The following SIL1 variants were observed in gnomAD, a reference collection of about 807,000 sequenced individuals.
SIL1 encodes nucleotide exchange factor SIL1.
In SIL1, 40 loss-of-function variants were observed where a neutral mutation model predicts 49.1. The ratio of observed to expected loss-of-function variants is 0.81; its 90% CI spans 0.63 to 1.06. SIL1 has a LOEUF of 1.06. Ranked by LOEUF, SIL1 falls within the 50% of genes least tolerant of loss-of-function variation. The probability of loss-of-function intolerance (pLI) is 0.00; values close to 1 mark genes in which losing one functional copy is unlikely to be tolerated. For synonymous variants in SIL1, 253 were observed against 250.8 expected, an observed-to-expected ratio of 1.01 and a Z score of -0.08; for missense variants, 500 against 572.6, an observed-to-expected ratio of 0.87 and a Z score of 1.29.
intron 1 of SIL1, among the ~76,000 whole-genome samples, chr5:139,196,685 A>G (rs1752281210): frequency 6.6e-6 from 1 of 152,250 alleles, no homozygotes; most frequent in Non-Finnish European, 1.5e-5. Context: ...CAGCACATGT[A>G]TTCATGAGCA....
chr5:139,023,016 T>C (rs1159014487), intron 6 of SIL1, among the ~76,000 whole-genome samples: 9 of 152,188 alleles, frequency 5.9e-5, no homozygotes. Flanking sequence ...CAGCTGCCAC[T>C]CGGTCAGCTC....
intron 3 of SIL1, among the ~76,000 whole-genome samples, chr5:139,051,359 A>C (rs1195961647): frequency 6.6e-6 from 1 of 152,212 alleles, no homozygotes; most frequent in Non-Finnish European, 1.5e-5. Flanking sequence ...TGAGCTAATA[A>C]AAGCTTTGTG....
At chr5:139,180,152 C>A (rs1268208183) in intron 1 of SIL1, among the ~76,000 whole-genome samples, 1 of 151,036 alleles carries the variant, frequency 6.6e-6, no homozygotes, top group East Asian at 1.9e-4. Flanking sequence ...TCACTTGAGG[C>A]CAGGCGTTCG....
At chr5:139,036,705 T>C (rs930724831) in intron 5 of SIL1, among the ~76,000 whole-genome samples, 5 of 152,042 alleles carry the variant, frequency 3.3e-5, no homozygotes, top group African/African-American at 1.2e-4. Context: ...GGGTGGAGGA[T>C]GGGAATAGGG....
Position 139,178,314 on chromosome 5 carries a change from C to G in SIL1, c.-11+19955G>C, listed in dbSNP as rs183926698. On this transcript the variant is annotated intron_variant, in intron 1 of 9. Coordinates refer to ENST00000394817, the MANE Select transcript of SIL1 (RefSeq NM_022464.5). The stretch of plus-strand genomic sequence containing the variant: ...TCCTTTTCTGATCTTCATTTTCACT[C>G]CCTCAACAAAATCCATCCAGTGTCC... Among the ~76,000 whole-genome samples the G allele has an allele frequency of 7.9e-3, 1,210 of 152,276 alleles. 12 individuals are homozygous for G. The highest frequency in any genetic ancestry group is 0.011 in the Non-Finnish European group (766 of 68,028).
intron 7 of SIL1, among the ~76,000 whole-genome samples, chr5:138,981,972 C>T (rs935008654): frequency 6.6e-6 from 1 of 152,182 alleles, no homozygotes; most frequent in Non-Finnish European, 1.5e-5. Flanking sequence ...AGTACTTAAC[C>T]TCCCCAAGCC....
intron 1 of SIL1, chr5:139,128,181 A>T: frequency 5.4e-6 from 2 of 373,248 alleles, no homozygotes; most frequent in Non-Finnish European, 1.0e-5. Flanking sequence ...GAGGGAAACT[A>T]ACCAACTGAT....
intron 4 of SIL1, among the ~76,000 whole-genome samples, chr5:139,050,354 T>C (rs1194451869): frequency 6.6e-6 from 1 of 152,180 alleles, no homozygotes; most frequent in East Asian, 1.9e-4. Flanking sequence ...AGCATGCTAA[T>C]TCAAGGCAAC....
At chr5:139,004,038 T>C (rs1768055038) in intron 7 of SIL1, among the ~76,000 whole-genome samples, 1 of 152,176 alleles carries the variant, frequency 6.6e-6, no homozygotes, top group African/African-American at 2.4e-5. Flanking sequence ...TGATGAAAAT[T>C]ATATCAAACA....
intron 3 of SIL1, among the ~76,000 whole-genome samples, chr5:139,093,344 T>A (rs1468271377): frequency 6.6e-6 from 1 of 152,250 alleles, no homozygotes; most frequent in South Asian, 2.1e-4. Context: ...TACAGCAGCA[T>A]AAAATGTACT....
chr5:139,098,847 C>T (rs188846449), intron 3 of SIL1, among the ~76,000 whole-genome samples: 1,713 of 117,084 alleles, frequency 0.015, 16 homozygotes, highest in Middle Eastern at 0.049. Context: ...GAGGGAGTCT[C>T]GCTCTGTCAC....
intron 1 of SIL1, among the ~76,000 whole-genome samples, chr5:139,191,217 G>A (rs181727126): frequency 1.3e-3 from 113 of 84,774 alleles, no homozygotes; most frequent in Admixed American, 4.2e-3. Context: ...GTGAGACTCT[G>A]TCTCAAAAAA....
At chr5:139,004,718 G>T (rs550941079) in intron 7 of SIL1, among the ~76,000 whole-genome samples, 36 of 152,122 alleles carry the variant, frequency 2.4e-4, no homozygotes, top group South Asian at 2.1e-3. Context: ...GTCCATTAAT[G>T]AATGAATGGA....
chr5:139,125,512 G>A (rs1442364555), intron 2 of SIL1, among the ~76,000 whole-genome samples: 1 of 152,198 alleles, frequency 6.6e-6, no homozygotes, highest in Non-Finnish European at 1.5e-5. Flanking sequence ...ACAGAAGCCT[G>A]CTTGACACAG....
chr5:139,003,458 A>C lies in SIL1; in HGVS notation c.767+17713T>G, dbSNP rs772666058. Among the ~76,000 whole-genome samples the C allele has an allele frequency of 2.6e-5, 4 of 152,146 alleles. 1 individual carries two copies. The highest frequency in any genetic ancestry group is 5.9e-5 in the Non-Finnish European group (4 of 68,028). On this transcript the variant is annotated intron_variant, in intron 7 of 9. Transcript: ENST00000394817. ...CTTATGTGAGATAACACAGACTCCC[A>C]CCTTTCACACCAAATTTCACAGATT...
At chr5:139,100,394 G>T (rs1034629753) in intron 3 of SIL1, among the ~76,000 whole-genome samples, 1 of 152,164 alleles carries the variant, frequency 6.6e-6, no homozygotes, top group East Asian at 1.9e-4. Flanking sequence ...GAAATATAAG[G>T]GAGAGTAGCA....
At chr5:138,991,801 A>T (rs1767766730) in intron 7 of SIL1, among the ~76,000 whole-genome samples, 1 of 152,268 alleles carries the variant, frequency 6.6e-6, no homozygotes, top group Non-Finnish European at 1.5e-5. Flanking sequence ...GAGAAGAAAT[A>T]CAACGGAGAA....
chr5:139,187,086 T>C (rs1234447090), intron 1 of SIL1, among the ~76,000 whole-genome samples: 2 of 152,220 alleles, frequency 1.3e-5, no homozygotes. Context: ...ACCCATATCC[T>C]TGAGAAGCTC....
intron 3 of SIL1, among the ~76,000 whole-genome samples, chr5:139,096,813 T>C (rs1342946119): frequency 6.6e-6 from 1 of 151,904 alleles, no homozygotes; most frequent in Non-Finnish European, 1.5e-5. Flanking sequence ...GATGCCCAGG[T>C]ACCATGCTGA....
Sources: allele counts gnomAD v4.1 joint callset (sites outside exome capture counted in the v4.1 genomes callset), GRCh38; gene constraint gnomAD v4.1.1; transcripts MANE v1.5; gene names NCBI Gene and HGNC (gene_info 2026-07-23, HGNC 2026-07-21).